SS18L1: variants seen among roughly 807,000 people sequenced by gnomAD.
The protein encoded by SS18L1 is calcium-responsive transactivator.
In SS18L1, 32 loss-of-function variants were observed where a neutral mutation model predicts 70.3. The observed-to-expected ratio is 0.46, with a 90% CI of 0.34 to 0.61. SS18L1 has a LOEUF of 0.61. SS18L1 is among the 20% of genes least tolerant of loss of function. The probability of loss-of-function intolerance (pLI) is 0.01; values close to 1 mark genes in which losing one functional copy is unlikely to be tolerated. For missense variants in SS18L1, 430 were observed against 542.1 expected, an observed-to-expected ratio of 0.79 and a Z score of 2.05; for synonymous variants, 237 against 229.7, an observed-to-expected ratio of 1.03 and a Z score of -0.29.
At chr20:62,155,157 T>TG (rs1415844181) in intron 1 of SS18L1, among the ~76,000 whole-genome samples, 1 of 152,066 alleles carries the variant, frequency 6.6e-6, no homozygotes, top group African/African-American at 2.4e-5. Context: ...AATGAGCACT[T>TG]GGGGAGGCAG....
rs145745064 is a variant in SS18L1 at position 62,162,938 on chromosome 20, A to ACTC, written c.556+8_556+10dup. On this transcript the variant is annotated splice_region_variant and intron_variant, in intron 5 of 10. Transcript: ENST00000331758. The stretch of plus-strand genomic sequence containing the variant: ...AACATGCAGTCCAACCCAGGTACCT[A>ACTC]CTCTGCCTCTGCAACCCCGGGGGGC... The ACTC allele has an allele frequency of 0.054, 86,987 of 1,611,334 alleles. 3,030 individuals carry two copies. The highest frequency in any genetic ancestry group is 0.16 in the African/African-American group (12,111 of 74,874).
intron 10 of SS18L1, among the ~76,000 whole-genome samples, chr20:62,176,931 T>C (rs2057629525): frequency 6.6e-6 from 1 of 152,266 alleles, no homozygotes; most frequent in Non-Finnish European, 1.5e-5. Context: ...CGTGGCGCTT[T>C]GGCACAGCAC....
At position 62,150,013 on chromosome 20, in the gene SS18L1, C is replaced by A. The variant is rs552777795; in HGVS notation, c.69+6124C>A. Reference sequence around the variant, plus strand: ...ATGAGACTGGAAGTGATTGCCAAGGCACATGCAGAGGCGGCTGCTCTTGTG... The same window carrying A: ...ATGAGACTGGAAGTGATTGCCAAGGAACATGCAGAGGCGGCTGCTCTTGTG... On this transcript the variant is annotated intron_variant, in intron 1 of 10. Transcript: ENST00000331758. Among the ~76,000 whole-genome samples the A allele has an allele frequency of 3.3e-5, 5 of 152,376 alleles. No individual in the cohort carries two copies. In the South Asian group the frequency reaches 1.0e-3, roughly 32 times the overall value.
Position 62,158,746 on chromosome 20 carries a change from G to C in SS18L1, c.144G>C (p.Thr48=). 1 of 1,612,958 alleles carries C rather than the reference G, an allele frequency of 6.2e-7. No individual in the cohort carries two copies. The highest frequency in any genetic ancestry group is 8.5e-7 in the Non-Finnish European group (1 of 1,180,010). The change falls in exon 2 of 11, where the codon ACG becomes ACC. Residue 48 remains threonine, a splice_region_variant and synonymous_variant. Coordinates refer to ENST00000331758, the MANE Select transcript of SS18L1 (RefSeq NM_198935.3). This position sits in a 1 kb window ranked among gnomAD's most constrained non-coding sequence, Gnocchi z 4.5. ...GCAAGGGCAAGACGGCCGAGTGCACGCAGTGAGTGCCCGCCATACACCGGA... is the reference window on the plus strand; with the variant it reads ...GCAAGGGCAAGACGGCCGAGTGCACCCAGTGAGTGCCCGCCATACACCGGA... ...YQSKGKTAEC[T]QYQQILHRNL...
Position 62,158,491 on chromosome 20 carries a change from G to A in SS18L1, c.70-181G>A, listed in dbSNP as rs1238678181. ...TTTTGGATTTCGGGTTTTCGGATTA[G>A]GGATGCCAAACCGGTGGGTCTAATA... On this transcript the variant is annotated intron_variant, in intron 1 of 10. Transcript: ENST00000331758. This position sits in a 1 kb window ranked among gnomAD's most constrained non-coding sequence, Gnocchi z 4.5. Among the ~76,000 whole-genome samples, 1 of 152,122 alleles carries A rather than the reference G, an allele frequency of 6.6e-6. No individual in the cohort carries two copies. Among genetic ancestry groups the A allele is most frequent in the Admixed American group, 6.6e-5 (1 of 15,266 alleles).
At chr20:62,163,328 G>A (rs2057366306) in intron 5 of SS18L1, 130 bp from the exon 6 acceptor site, 1 of 1,385,150 alleles carries the variant, frequency 7.2e-7, no homozygotes. Context: ...CCTTGCGGTG[G>A]AGGACGCTGT....
chr20:62,166,881 T>A (rs961671394), intron 8 of SS18L1, among the ~76,000 whole-genome samples: 1 of 150,374 alleles, frequency 6.7e-6, no homozygotes, highest in Non-Finnish European at 1.5e-5. Context: ...GCTGAGATCA[T>A]GCCATTGCAC....
At chr20:62,176,165 G>C (rs1448446799) in intron 10 of SS18L1, among the ~76,000 whole-genome samples, 1 of 152,234 alleles carries the variant, frequency 6.6e-6, no homozygotes, top group Non-Finnish European at 1.5e-5. Context: ...TGAAATAAGT[G>C]AATGTCCTAA....
At chr20:62,171,584 AG>A (rs1219686806) in intron 8 of SS18L1, among the ~76,000 whole-genome samples, 5 of 152,216 alleles carry the variant, frequency 3.3e-5, no homozygotes, top group Non-Finnish European at 7.3e-5. Flanking sequence ...TTACCCTGAT[AG>A]GTTTTTAAGC....
chr20:62,163,331 G>A (rs747477018), intron 5 of SS18L1, 127 bp from the exon 6 acceptor site: 2 of 1,403,102 alleles, frequency 1.4e-6, no homozygotes, highest in Admixed American at 4.0e-5. Flanking sequence ...TGCGGTGGAG[G>A]ACGCTGTCCT....
In SS18L1 at chr20:62,181,951, G is replaced by A. The variant is rs922203395; in HGVS notation, c.*2743G>A. The A allele has an allele frequency of 4.4e-6, 1 of 228,356 alleles. No homozygotes were observed. The highest frequency in any genetic ancestry group is 2.2e-5 in the African/African-American group (1 of 45,048). The allele number at this position is 228,356 out of a possible 1,614,324, so 14.1% of individuals were successfully genotyped here. ...CTGACATCCAGCAAATTGTGAATTT[G>A]AAAAATGATGGCCAGTTTTCAGAAG... is the stretch of plus-strand genomic sequence containing the variant. On this transcript the variant is annotated 3_prime_UTR_variant, in exon 11 of 11. Transcript: ENST00000331758.
At chr20:62,162,121 G>A (rs549676689) in intron 4 of SS18L1, among the ~76,000 whole-genome samples, 5 of 152,246 alleles carry the variant, frequency 3.3e-5, no homozygotes, top group East Asian at 3.9e-4. Flanking sequence ...TTAAATACTC[G>A]GGAGACTGAG....
chr20:62,144,538 C>G (rs74548242), intron 1 of SS18L1, among the ~76,000 whole-genome samples: 4 of 152,192 alleles, frequency 2.6e-5, no homozygotes, highest in South Asian at 2.1e-4. Context: ...CGCACCGCCC[C>G]CTCCGTATCC....
intron 1 of SS18L1, among the ~76,000 whole-genome samples, chr20:62,145,876 G>A (rs1265243948): frequency 6.6e-6 from 1 of 152,250 alleles, no homozygotes; most frequent in Non-Finnish European, 1.5e-5. Context: ...GACGTGTGCT[G>A]TGTCCACAGT....
chr20:62,172,014 T>C (rs1282153550), intron 8 of SS18L1, among the ~76,000 whole-genome samples: 2 of 152,026 alleles, frequency 1.3e-5, no homozygotes, highest in Non-Finnish European at 2.9e-5. Flanking sequence ...TACAAAAAAT[T>C]AGCCTGGCGT....
In SS18L1 at chr20:62,164,141, G is replaced by A. The variant is rs148627701; in HGVS notation, c.722-4G>A. The A allele has an allele frequency of 1.9e-4, 301 of 1,548,924 alleles. No homozygotes were observed. The African/African-American group carries it at 3.4e-3, about 17-fold the overall frequency. Reference sequence around the variant, plus strand: ...CACTGGCGCTGAATGTGGTTCCCCCGCAGGCTCTTCCCAGCAGTACCTGGG... The same window carrying A: ...CACTGGCGCTGAATGTGGTTCCCCCACAGGCTCTTCCCAGCAGTACCTGGG... On this transcript the variant is annotated splice_region_variant and splice_polypyrimidine_tract_variant and intron_variant, in intron 6 of 10. Transcript: ENST00000331758.
intron 1 of SS18L1, among the ~76,000 whole-genome samples, chr20:62,145,122 G>T (rs950928099): frequency 6.6e-6 from 1 of 152,266 alleles, no homozygotes; most frequent in Non-Finnish European, 1.5e-5. Context: ...CAGAAATACA[G>T]ATTTACAAGT....
In SS18L1 at chr20:62,172,566, C is replaced by T. The variant is rs188450096; in HGVS notation, c.917-116C>T. Reference sequence around the variant, plus strand: ...AATGGTTGTGAAAAAATAAACATGCCGAAGCAATGGATTTGGTTTTGGGAT... The same window carrying T: ...AATGGTTGTGAAAAAATAAACATGCTGAAGCAATGGATTTGGTTTTGGGAT... On this transcript the variant is annotated intron_variant, in intron 8 of 10. Coordinates refer to ENST00000331758, the MANE Select transcript of SS18L1 (RefSeq NM_198935.3). 2.5e-4 allele frequency: 370 copies of T among 1,470,276 alleles called. 1 individual carries two copies. The African/African-American group carries it at 3.8e-3, about 15-fold the overall frequency. 91.1% of individuals were successfully genotyped at this position (1,470,276 alleles called of 1,614,324 possible). A position where few individuals can be genotyped will look rare whatever the true frequency, so the allele number is the denominator to read the frequency against.
Position 62,143,771 on chromosome 20 carries a change from A to C in SS18L1, c.-50A>C. On this transcript the variant is annotated 5_prime_UTR_variant, in exon 1 of 11. Coordinates refer to ENST00000331758, the MANE Select transcript of SS18L1 (RefSeq NM_198935.3). ...ATGAGCGCCTCGGGCCGCCCAGCGC[A>C]GCCGGAGTATCCACCTCGATGACCA... 7.8e-7 allele frequency: 1 copy of C among 1,276,508 alleles called. No individual in the cohort carries two copies. The highest frequency in any genetic ancestry group is 1.0e-6 in the Non-Finnish European group (1 of 975,868). The allele number at this position is 1,276,508 out of a possible 1,614,324, so 79.1% of individuals were successfully genotyped here.
Sources: gnomAD v4.1 joint callset for allele counts (sites outside exome capture counted in the v4.1 genomes callset) on GRCh38, gnomAD v4.1.1 for gene constraint, Gnocchi (gnomAD v3.1) non-coding constraint, MANE v1.5 for transcripts, NCBI Gene and HGNC (gene_info 2026-07-23, HGNC 2026-07-21) for gene names.